Variants in ME3 observed in about 807,000 individuals in gnomAD.
The protein encoded by ME3 is NADP-dependent malic enzyme, mitochondrial.
ME3 carries 48 observed loss-of-function variants against 68.9 expected under a neutral mutation model. The observed-to-expected ratio is 0.70, with a 90% CI of 0.55 to 0.89. The LOEUF (loss-of-function observed/expected upper bound fraction) is 0.89, where lower values mean the gene tolerates loss of function less well. ME3 is among the 40% of genes least tolerant of loss of function. ME3 has a pLI of 0.00. For synonymous variants in ME3, 320 were observed against 318.8 expected (o/e 1.00, Z -0.04); for missense variants, 675 against 797.4 (o/e 0.85, Z 1.85).
chr11:86,450,197 G>C (rs1949556039), intron 9 of ME3, 104 bp downstream of exon 9: 1 of 1,161,978 alleles, frequency 8.6e-7, no homozygotes, highest in African/African-American at 1.5e-5. Flanking sequence ...TGTCTGTGCT[G>C]CTTCCTCTTT....
chr11:86,439,609 C>T (rs1264039427), downstream of ME3, among the ~76,000 whole-genome samples: 4 of 152,206 alleles, frequency 2.6e-5, no homozygotes, highest in African/African-American at 4.8e-5. Context: ...TCAGCACAGG[C>T]TTGAAAGCAC....
intron 2 of ME3, among the ~76,000 whole-genome samples, chr11:86,637,914 A>G (rs1944440485): frequency 6.6e-6 from 1 of 151,896 alleles, no homozygotes. Flanking sequence ...GAAATAATGT[A>G]TCTATGAATT....
chr11:86,652,933 G>A (rs1176329782), intron 2 of ME3, among the ~76,000 whole-genome samples: 2 of 150,752 alleles, frequency 1.3e-5, no homozygotes, highest in African/African-American at 2.4e-5. Flanking sequence ...AAAAAAGGCA[G>A]GGGTTGCAGT....
At chr11:86,447,279 G>A (rs1949362994) in intron 11 of ME3, 72 bp from the exon 12 acceptor site, 3 of 1,562,146 alleles carry the variant, frequency 1.9e-6, no homozygotes, top group Admixed American at 3.5e-5. Flanking sequence ...GCTGGTGGTG[G>A]TGGGGGAACT....
At chr11:86,441,592 G>C (rs537311001) in intron 14 of ME3, 152 bp from the exon 15 acceptor site, 177 of 728,750 alleles carry the variant, frequency 2.4e-4, no homozygotes, top group Non-Finnish European at 3.4e-4. Context: ...GGATAGGAAG[G>C]ATTTTAAGCT....
rs1435268778 is a variant in ME3 at position 86,528,783 on chromosome 11, A to G, written c.468-19916T>C. Among the ~76,000 whole-genome samples the G allele has an allele frequency of 1.2e-4, 19 of 152,220 alleles. No homozygotes were observed. In the East Asian group the frequency reaches 2.9e-3, roughly 23 times the overall value. Reference sequence around the variant, plus strand: ...TAGGTACATAACAAAATGAAGGCAGAAATAAAGATGTTCTTTGAAACCAAC... The same window carrying G: ...TAGGTACATAACAAAATGAAGGCAGGAATAAAGATGTTCTTTGAAACCAAC... On this transcript the variant is annotated intron_variant, in intron 4 of 14. Transcript: ENST00000543262.
At chr11:86,532,713 C>A (rs1594330429) in intron 4 of ME3, among the ~76,000 whole-genome samples, 1 of 152,016 alleles carries the variant, frequency 6.6e-6, no homozygotes, top group Non-Finnish European at 1.5e-5. Context: ...ATATGAGATG[C>A]AACAAAAGCA....
chr11:86,479,036 A>G (rs1951240962), intron 7 of ME3, among the ~76,000 whole-genome samples: 1 of 152,188 alleles, frequency 6.6e-6, no homozygotes, highest in Non-Finnish European at 1.5e-5. Flanking sequence ...TGTTTCTGGA[A>G]GAGACTGGTA....
rs576949577 is a variant in ME3, at chr11:86,662,335, A to G, written c.183+9427T>C. On this transcript the variant is annotated intron_variant, in intron 2 of 14. Transcript: ENST00000543262. ...TTTTCTCATCTGTCATATAAGAACA[A>G]TAACAGTGTCTGAGAGGCTGAGGTG... Among the ~76,000 whole-genome samples, 5 of 152,328 alleles carry G rather than the reference A, an allele frequency of 3.3e-5. No individual in the cohort carries two copies. In the South Asian group the frequency reaches 8.3e-4, roughly 25 times the overall value.
At chr11:86,498,448 ACT>A (rs1952509745) in intron 5 of ME3, among the ~76,000 whole-genome samples, 1 of 152,014 alleles carries the variant, frequency 6.6e-6, no homozygotes, top group Non-Finnish European at 1.5e-5. Context: ...CTAAATAGAC[ACT>A]CTCAGCCTGA....
chr11:86,468,511 A>T (rs2138765793), intron 7 of ME3, among the ~76,000 whole-genome samples: 1 of 152,308 alleles, frequency 6.6e-6, no homozygotes, highest in Non-Finnish European at 1.5e-5. Context: ...TGATGATCTG[A>T]TACTATAGTT....
At chr11:86,600,437 C>G (rs935809316) in intron 2 of ME3, among the ~76,000 whole-genome samples, 3 of 151,960 alleles carry the variant, frequency 2.0e-5, no homozygotes, top group African/African-American at 7.3e-5. Flanking sequence ...TACAGGAGCA[C>G]CCAGATTCAT....
chr11:86,491,293 C>T (rs765109994), intron 6 of ME3, among the ~76,000 whole-genome samples: 6 of 152,134 alleles, frequency 3.9e-5, no homozygotes, highest in Non-Finnish European at 5.9e-5. Flanking sequence ...GGTCTCATGA[C>T]GAAGCATCCT....
intron 4 of ME3, among the ~76,000 whole-genome samples, chr11:86,509,397 A>ATC (rs1424184812): frequency 1.7e-5 from 1 of 59,672 alleles, no homozygotes; most frequent in South Asian, 6.8e-4. Context: ...CTACTCCATC[A>ATC]TCACACACAC....
At chr11:86,450,130 G>C (rs1396816256) in intron 9 of ME3, 128 bp from the exon 10 acceptor site, 2 of 962,050 alleles carry the variant, frequency 2.1e-6, no homozygotes, top group East Asian at 2.6e-5. Flanking sequence ...GCCCAATTAA[G>C]TCCTTGCCTT....
In ME3 at chr11:86,515,211, A is replaced by G. The variant is rs937161452; in HGVS notation, c.468-6344T>C. Among the ~76,000 whole-genome samples, 12 of 152,378 alleles carry G rather than the reference A, an allele frequency of 7.9e-5. No homozygotes were observed. The East Asian group carries it at 2.3e-3, about 29-fold the overall frequency. On this transcript the variant is annotated intron_variant, in intron 4 of 14. Transcript: ENST00000543262. Reference sequence around the variant, plus strand: ...GCTAATATTCAGTGAGAAAGAGATCAAGGGAAAACATGTCACACACAAAAA... The same window carrying G: ...GCTAATATTCAGTGAGAAAGAGATCGAGGGAAAACATGTCACACACAAAAA...
intron 2 of ME3, among the ~76,000 whole-genome samples, chr11:86,638,147 G>A (rs1052678831): frequency 6.6e-6 from 1 of 152,098 alleles, no homozygotes; most frequent in Non-Finnish European, 1.5e-5. Flanking sequence ...CTTTTCTGTT[G>A]TGGTAAACCC....
At chr11:86,579,162 T>C (rs2139597875) in intron 2 of ME3, among the ~76,000 whole-genome samples, 1 of 152,342 alleles carries the variant, frequency 6.6e-6, no homozygotes, top group East Asian at 1.9e-4. Context: ...TTCAGTCTAA[T>C]GATCTTTTCA....
intron 8 of ME3, among the ~76,000 whole-genome samples, chr11:86,452,811 G>A (rs1019352846): frequency 2.6e-5 from 4 of 152,156 alleles, no homozygotes; most frequent in African/African-American, 9.7e-5. Context: ...GTTTTCAAAT[G>A]TGACTGAATT....
Sources: allele counts gnomAD v4.1 joint callset (sites outside exome capture counted in the v4.1 genomes callset), GRCh38; gene constraint gnomAD v4.1.1; transcripts MANE v1.5; gene names NCBI Gene and HGNC (gene_info 2026-07-23, HGNC 2026-07-21).